The following SYNPO2 variants were observed in gnomAD, a reference collection of about 807,000 sequenced individuals.
SYNPO2 encodes the protein synaptopodin-2.
In SYNPO2, 56 loss-of-function variants were observed where a neutral mutation model predicts 85.0. The ratio of observed to expected loss-of-function variants is 0.66; its 90% CI spans 0.53 to 0.82. The LOEUF is 0.82. Among genes scored for constraint, SYNPO2 ranks in the 40% least tolerant of loss-of-function variants. SYNPO2 has a pLI of 0.00. For missense variants in SYNPO2, 1,575 were observed against 1,534.2 expected (o/e 1.03, Z -0.44); for synonymous variants, 602 against 591.1 (o/e 1.02, Z -0.27).
chr4:118,951,528 C>T (rs1467319374), intron 1 of SYNPO2, among the ~76,000 whole-genome samples: 1 of 152,176 alleles, frequency 6.6e-6, no homozygotes. Context: ...CATGAAGAAA[C>T]AGCAAGTTTG....
rs150226363 is a variant in SYNPO2 at position 118,914,977 on chromosome 4, T to C, written c.105+25836T>C. 8.7e-4 allele frequency among the ~76,000 whole-genome samples: 127 copies of C among 145,846 alleles called. No individual in the cohort carries two copies. The East Asian group carries it at 0.017, about 20-fold the overall frequency. ...TTTTGATATTTGGAAGTATTTATTA[T>C]ATAATGAAAAATACTAGATGCAAAA... On this transcript the variant is annotated intron_variant, in intron 1 of 4. Coordinates refer to ENST00000307142, the MANE Select transcript of SYNPO2 (RefSeq NM_133477.3).
chr4:118,878,960 G>T (rs942414982), intron 1 of SYNPO2, among the ~76,000 whole-genome samples: 1 of 152,198 alleles, frequency 6.6e-6, no homozygotes, highest in Non-Finnish European at 1.5e-5. Flanking sequence ...TCTAAGAGCT[G>T]TAACACTCAC....
intron 4 of SYNPO2, among the ~76,000 whole-genome samples, chr4:119,055,939 G>T (rs1280846818): frequency 6.6e-6 from 1 of 151,884 alleles, no homozygotes; most frequent in Non-Finnish European, 1.5e-5. Context: ...GAGATATTTT[G>T]CCTAAATCCA....
intron 1 of SYNPO2, among the ~76,000 whole-genome samples, chr4:118,953,992 C>A (rs999641148): frequency 6.6e-6 from 1 of 152,132 alleles, no homozygotes; most frequent in Non-Finnish European, 1.5e-5. Context: ...TTCTGCAGGT[C>A]CTTGTCTATC....
intron 1 of SYNPO2, among the ~76,000 whole-genome samples, chr4:118,938,088 A>C (rs920767210): frequency 6.6e-6 from 1 of 152,180 alleles, no homozygotes; most frequent in Non-Finnish European, 1.5e-5. Flanking sequence ...AGATCACCTG[A>C]GGTCAGGAGT....
At chr4:118,904,526 T>A (rs928004607) in intron 1 of SYNPO2, among the ~76,000 whole-genome samples, 12 of 152,070 alleles carry the variant, frequency 7.9e-5, no homozygotes, top group Non-Finnish European at 1.6e-4. Flanking sequence ...TAAAAGAAAA[T>A]AAATTGTCCT....
At chr4:118,990,163 G>C (rs1202417212) in intron 1 of SYNPO2, among the ~76,000 whole-genome samples, 1 of 152,138 alleles carries the variant, frequency 6.6e-6, no homozygotes, top group Non-Finnish European at 1.5e-5. Context: ...TCCTCTGCAA[G>C]TATGGGTAAT....
At chr4:118,987,945 T>C (rs751998533) in intron 1 of SYNPO2, among the ~76,000 whole-genome samples, 1 of 152,196 alleles carries the variant, frequency 6.6e-6, no homozygotes, top group Non-Finnish European at 1.5e-5. Flanking sequence ...TGAAGTACTT[T>C]AGTTCAGAGT....
At chr4:118,996,921 G>A (rs1239096993) in intron 1 of SYNPO2, among the ~76,000 whole-genome samples, 7 of 147,860 alleles carry the variant, frequency 4.7e-5, no homozygotes, top group African/African-American at 1.7e-4. Flanking sequence ...AAGCAGAAAA[G>A]AAGTCAATTA....
At chr4:118,902,529 G>A (rs1442228799) in intron 1 of SYNPO2, among the ~76,000 whole-genome samples, 4 of 152,090 alleles carry the variant, frequency 2.6e-5, no homozygotes, top group South Asian at 2.1e-4. Context: ...GAGGGAAACC[G>A]CCCCCATGAT....
At chr4:118,878,595 TC>T (rs1731972042) in intron 1 of SYNPO2, among the ~76,000 whole-genome samples, 1 of 151,794 alleles carries the variant, frequency 6.6e-6, no homozygotes, top group Non-Finnish European at 1.5e-5. Flanking sequence ...CAATCACCAC[TC>T]TGTAAAAACG....
At chr4:118,961,646 C>T (rs1336776530) in intron 1 of SYNPO2, among the ~76,000 whole-genome samples, 1 of 152,124 alleles carries the variant, frequency 6.6e-6, no homozygotes, top group Non-Finnish European at 1.5e-5. Context: ...TTATTGTTAG[C>T]ATTTTCTCTC....
intron 1 of SYNPO2, among the ~76,000 whole-genome samples, chr4:118,879,257 AC>A (rs1732012785): frequency 6.6e-6 from 1 of 152,188 alleles, no homozygotes. Context: ...CCATGAACCC[AC>A]TGGAATGAAC....
chr4:119,005,845 A>G (rs536686081), intron 1 of SYNPO2, among the ~76,000 whole-genome samples: 10 of 152,372 alleles, frequency 6.6e-5, no homozygotes, highest in East Asian at 1.9e-4. Flanking sequence ...AGAACAACTA[A>G]ATGATTGTTT....
intron 1 of SYNPO2, among the ~76,000 whole-genome samples, chr4:118,916,830 T>C (rs1733351523): frequency 6.6e-6 from 1 of 150,694 alleles, no homozygotes; most frequent in Non-Finnish European, 1.5e-5. Context: ...ACTCCTTGGT[T>C]CAAGTAATCC....
intron 1 of SYNPO2, among the ~76,000 whole-genome samples, chr4:118,901,423 C>G (rs1732751789): frequency 6.6e-6 from 1 of 152,164 alleles, no homozygotes; most frequent in Admixed American, 6.5e-5. Context: ...TCCAAATTAT[C>G]TTCTTGACAA....
At chr4:118,887,607 G>A (rs1174125116), upstream of SYNPO2, among the ~76,000 whole-genome samples, 2 of 152,154 alleles carry the variant, frequency 1.3e-5, no homozygotes, top group Non-Finnish European at 2.9e-5. Flanking sequence ...TTAAATGCAT[G>A]TGTAGCTGAC....
chr4:119,057,856 A>T lies in SYNPO2; in HGVS notation c.3708A>T (p.Glu1236Asp). Residue 1236 changes from glutamate (E) to aspartate (D), a missense_variant, in exon 5 of 5, where the codon GAA becomes GAT. Coordinates refer to ENST00000307142, the MANE Select transcript of SYNPO2 (RefSeq NM_133477.3). ...ATGATTCTGCAATCATGTCCATGGA[A>T]ACCAGGTCTGATTACTGTCTTCCAG... ...SRNDSAIMSM[E>D]TRSDYCLPVA... 1 of 1,614,094 alleles carries T rather than the reference A, an allele frequency of 6.2e-7. No homozygotes were observed. Among genetic ancestry groups the T allele is most frequent in the Non-Finnish European group, 8.5e-7 (1 of 1,180,022 alleles).
chr4:118,910,519 A>G (rs189645282), intron 1 of SYNPO2, among the ~76,000 whole-genome samples: 3 of 152,086 alleles, frequency 2.0e-5, no homozygotes, highest in Admixed American at 1.3e-4. Context: ...TATGAGAAAT[A>G]TGGTGCACTT....
Sources: allele counts gnomAD v4.1 joint callset (sites outside exome capture counted in the v4.1 genomes callset), GRCh38; gene constraint gnomAD v4.1.1; transcripts MANE v1.5; gene names NCBI Gene and HGNC (gene_info 2026-07-23, HGNC 2026-07-21).